The following TRIM9 variants were observed in gnomAD, a reference collection of about 807,000 sequenced individuals.
TRIM9 encodes tripartite motif containing 9.
TRIM9 carries 26 observed loss-of-function variants against 78.3 expected under a neutral mutation model. The observed-to-expected ratio is 0.33, with a 90% confidence interval of 0.24 to 0.46. TRIM9 has a LOEUF of 0.46. Ranked by LOEUF, TRIM9 falls within the 20% of genes least tolerant of loss-of-function variation. The probability of loss-of-function intolerance (pLI) is 1.00; values close to 1 mark genes in which losing one functional copy is unlikely to be tolerated. For missense variants in TRIM9, 787 were observed against 1,036.4 expected, an observed-to-expected ratio of 0.76 and a Z score of 3.30; for synonymous variants, 398 against 416.5, an observed-to-expected ratio of 0.96 and a Z score of 0.54.
chr14:51,094,632 G>T lies in TRIM9; in HGVS notation c.308C>A (p.Pro103His). Residue 103 changes from proline to histidine, a missense_variant, in exon 1 of 13, where the codon CCC (proline) becomes CAC (histidine). Pro to His is a moderately conservative substitution (Grantham distance 77, BLOSUM62 -2). Transcript: ENST00000684578. ...GGTGGCCGGTGGCGGCATAGCCGGG[G>T]GAAACACGCGGACGCCGTTGGGGGA... is the stretch of plus-strand genomic sequence containing the variant. ...QKSPNGVRVF[P>H]PAMPPPATHL... is the part of the protein sequence containing the mutation. 1 of 1,606,932 alleles carries T rather than the reference G, an allele frequency of 6.2e-7. No individual in the cohort carries two copies. Among genetic ancestry groups the T allele is most frequent in the African/African-American group, 1.3e-5 (1 of 74,924 alleles).
At chr14:51,070,229 G>A (rs954273267) in intron 1 of TRIM9, among the ~76,000 whole-genome samples, 8 of 152,276 alleles carry the variant, frequency 5.3e-5, no homozygotes, top group Non-Finnish European at 7.4e-5. Context: ...GATAAGCATC[G>A]TTCAAGCATG....
intron 7 of TRIM9, among the ~76,000 whole-genome samples, chr14:50,990,027 CT>C (rs1241167645): frequency 2.6e-5 from 4 of 152,054 alleles, no homozygotes; most frequent in Non-Finnish European, 5.9e-5. Context: ...TTCTTTATTT[CT>C]TTTTTAGAGA....
At chr14:51,020,739 G>C (rs1361753816) in intron 3 of TRIM9, among the ~76,000 whole-genome samples, 1 of 152,238 alleles carries the variant, frequency 6.6e-6, no homozygotes, top group African/African-American at 2.4e-5. Context: ...CTAAGCAGGA[G>C]GGCAACGGGG....
At chr14:50,990,535 A>C (rs908001411) in intron 7 of TRIM9, among the ~76,000 whole-genome samples, 1 of 152,170 alleles carries the variant, frequency 6.6e-6, no homozygotes, top group Non-Finnish European at 1.5e-5. Context: ...CAGAGTACTA[A>C]AGATTTTTGC....
At position 50,976,377 on chromosome 14, in the gene TRIM9, A is replaced by G. The variant is rs1280159521; in HGVS notation, c.*914T>C. 4 of 152,164 alleles carry G rather than the reference A, an allele frequency of 2.6e-5. No homozygotes were observed. Among genetic ancestry groups the G allele is most frequent in the Non-Finnish European group, 4.4e-5 (3 of 68,020 alleles). 9.4% of individuals were successfully genotyped at this position (152,164 alleles called of 1,614,324 possible). A position where few individuals can be genotyped will look rare whatever the true frequency, so the allele number is the denominator to read the frequency against. ...CCCTTGCCCATTTCCTTTCTAGTACATATGACCATTTATAATTATTTTATT... is the reference window on the plus strand; with the variant it reads ...CCCTTGCCCATTTCCTTTCTAGTACGTATGACCATTTATAATTATTTTATT... On this transcript the variant is annotated 3_prime_UTR_variant, in exon 13 of 13. Transcript: ENST00000684578.
At chr14:51,068,387 CA>C (rs2061934617) in intron 1 of TRIM9, among the ~76,000 whole-genome samples, 2 of 152,092 alleles carry the variant, frequency 1.3e-5, no homozygotes, top group African/African-American at 4.8e-5. Context: ...TGTGAAGTGT[CA>C]AGTAGGCAGC....
At chr14:50,997,331 A>G (rs2054340793) in intron 7 of TRIM9, 1 of 985,364 alleles carries the variant, frequency 1.0e-6, no homozygotes, top group African/African-American at 1.7e-5. Context: ...AAGAAGCAAA[A>G]ATTCTCTAGA....
chr14:51,028,249 T>C (rs1358163204), intron 1 of TRIM9, among the ~76,000 whole-genome samples: 1 of 111,688 alleles, frequency 9.0e-6, no homozygotes, highest in Non-Finnish European at 1.8e-5. Context: ...TTCTGGTATT[T>C]GATAAAAAAT....
chr14:51,076,115 T>C (rs545939937), intron 1 of TRIM9, among the ~76,000 whole-genome samples: 4 of 152,316 alleles, frequency 2.6e-5, no homozygotes, highest in South Asian at 4.1e-4. Context: ...TCCTGCTCTA[T>C]AACTATAGGA....
In TRIM9 at chr14:51,000,689, T is replaced by C. The variant is rs2054864403; in HGVS notation, c.1458A>G (p.Gln486=). Residue 486 remains glutamine, a synonymous_variant, in exon 6 of 13, where the codon CAA becomes CAG. Transcript: ENST00000684578. ...ILELDDGNGG[Q]FREVYVGKET... The stretch of plus-strand genomic sequence containing the variant: ...TAGTGGGCTGTCTACTGACCCGGAA[T>C]TGACCACCGTTGCCATCATCCAGCT... The C allele has an allele frequency of 1.9e-6, 3 of 1,613,918 alleles. No individual in the cohort carries two copies. Among genetic ancestry groups the C allele is most frequent in the Non-Finnish European group, 2.5e-6 (3 of 1,179,944 alleles).
intron 3 of TRIM9, among the ~76,000 whole-genome samples, chr14:51,011,368 TA>T: frequency 6.6e-6 from 1 of 152,336 alleles, no homozygotes; most frequent in East Asian, 1.9e-4. Context: ...TATATTTTTT[TA>T]TTTCCAAAGA....
intron 1 of TRIM9, among the ~76,000 whole-genome samples, chr14:51,089,714 C>A (rs180800441): frequency 1.1e-3 from 165 of 152,278 alleles, no homozygotes; most frequent in Admixed American, 4.5e-3. Flanking sequence ...ACTGAATATT[C>A]TCTCTGGACC....
At chr14:50,996,249 G>A (rs2054193197) in intron 7 of TRIM9, 1 of 985,230 alleles carries the variant, frequency 1.0e-6, no homozygotes, top group Non-Finnish European at 1.2e-6. Flanking sequence ...TTTCTTTGTT[G>A]GAAGAGAACT....
chr14:51,060,843 T>C (rs973734593), intron 1 of TRIM9, among the ~76,000 whole-genome samples: 1 of 152,168 alleles, frequency 6.6e-6, no homozygotes, highest in Non-Finnish European at 1.5e-5. Context: ...TATTGCTGAA[T>C]AGTATTCCAT....
chr14:51,086,364 CT>C (rs75315861), intron 1 of TRIM9, among the ~76,000 whole-genome samples: 53,558 of 151,948 alleles, frequency 0.35, 9,778 homozygotes, highest in Admixed American at 0.42. Flanking sequence ...CTGTAAAAAT[CT>C]TTAGAGCAGT....
chr14:50,992,190 G>C (rs2053599217), intron 7 of TRIM9, among the ~76,000 whole-genome samples: 1 of 152,226 alleles, frequency 6.6e-6, no homozygotes, highest in Non-Finnish European at 1.5e-5. Context: ...TTGTTCTTCT[G>C]ACAGGTTCTT....
chr14:50,997,411 G>A (rs2139473736), intron 7 of TRIM9: 2 of 985,386 alleles, frequency 2.0e-6, no homozygotes, highest in Non-Finnish European at 1.2e-6. Flanking sequence ...TGAAAATGGC[G>A]GGTAATGCGA....
At chr14:50,991,481 T>C (rs2053503414) in intron 7 of TRIM9, among the ~76,000 whole-genome samples, 1 of 152,192 alleles carries the variant, frequency 6.6e-6, no homozygotes, top group Non-Finnish European at 1.5e-5. Flanking sequence ...ATGCATATTC[T>C]TCTAACTATT....
chr14:51,007,506 G>A (rs2055970094), intron 5 of TRIM9, among the ~76,000 whole-genome samples: 1 of 152,214 alleles, frequency 6.6e-6, no homozygotes, highest in Non-Finnish European at 1.5e-5. Flanking sequence ...AGAAGTTGTA[G>A]GAGTTGGTTC....
Sources: allele counts gnomAD v4.1 joint callset (sites outside exome capture counted in the v4.1 genomes callset), GRCh38; gene constraint gnomAD v4.1.1; transcripts MANE v1.5; gene names NCBI Gene and HGNC (gene_info 2026-07-23, HGNC 2026-07-21).